Variants in CSF1R observed in about 807,000 individuals in gnomAD.
CSF1R encodes the protein colony stimulating factor 1 receptor, also known as macrophage colony-stimulating factor 1 receptor.
A neutral mutation model predicts 110.0 loss-of-function variants in CSF1R; 40 were observed. The observed-to-expected ratio is 0.36, with a 90% CI of 0.28 to 0.47. CSF1R has a LOEUF of 0.47. Among genes scored for constraint, CSF1R ranks in the 20% least tolerant of loss-of-function variants. The pLI, the probability that CSF1R is intolerant of heterozygous loss-of-function variation, is 0.99. For missense variants in CSF1R, 1,052 were observed against 1,253.0 expected, an observed-to-expected ratio of 0.84 and a Z score of 2.42; for synonymous variants, 523 against 503.4, an observed-to-expected ratio of 1.04 and a Z score of -0.52.
chr5:150,081,572 T>C (rs1758545698), intron 1 of CSF1R, among the ~76,000 whole-genome samples: 1 of 152,120 alleles, frequency 6.6e-6, no homozygotes, highest in Non-Finnish European at 1.5e-5. Context: ...TGCAGCACAG[T>C]GGGATGGGGA....
At chr5:150,100,196 G>T (rs984275723) in intron 1 of CSF1R, among the ~76,000 whole-genome samples, 5 of 150,502 alleles carry the variant, frequency 3.3e-5, no homozygotes, top group African/African-American at 1.2e-4. Context: ...AAAATTCCTA[G>T]ATATGGATCA....
At chr5:150,058,658 T>A (rs1025977575) in intron 14 of CSF1R, among the ~76,000 whole-genome samples, 2 of 152,106 alleles carry the variant, frequency 1.3e-5, no homozygotes, top group Non-Finnish European at 2.9e-5. Context: ...CATAGAAGTG[T>A]CAGGGAATCA....
chr5:150,095,715 A>G (rs115321785), intron 1 of CSF1R, among the ~76,000 whole-genome samples: 2,657 of 151,822 alleles, frequency 0.018, 29 homozygotes, highest in Middle Eastern at 0.027. Flanking sequence ...GAAAATTAAT[A>G]AAACCAAAAG....
chr5:150,104,591 G>A (rs1259529068), intron 1 of CSF1R, among the ~76,000 whole-genome samples: 2 of 152,322 alleles, frequency 1.3e-5, no homozygotes, highest in Non-Finnish European at 2.9e-5. Context: ...TTTTCTCATT[G>A]AATCCTCAAC....
chr5:150,079,447 C>A (rs1758422735), intron 3 of CSF1R, among the ~76,000 whole-genome samples: 1 of 152,220 alleles, frequency 6.6e-6, no homozygotes, highest in Admixed American at 6.5e-5. Flanking sequence ...GGGTGAGACT[C>A]CACCTCCACT....
chr5:150,077,563 A>G (rs1022175722), intron 4 of CSF1R, 128 bp from the exon 5 acceptor site: 1 of 1,028,564 alleles, frequency 9.7e-7, no homozygotes, highest in African/African-American at 1.6e-5. Flanking sequence ...CACTTGTAAA[A>G]TGGGGCTAAT....
rs1757527943 is a variant in CSF1R, at chr5:150,061,558, C to T, written c.1791G>A (p.Val597=). Residue 597 remains valine (V), a synonymous_variant, in exon 12 of 21, where the codon GTG becomes GTA. Transcript: ENST00000675795. ...TGCCCAGACCAAAGGCCGTGGCCTC[C>T]ACCACCTTCCCAAAGGCTCCAGCTC... ...TLGAGAFGKV[V]EATAFGLGKE... 2 of 1,613,702 alleles carry T rather than the reference C, an allele frequency of 1.2e-6. No individual in the cohort carries two copies. Among genetic ancestry groups the T allele is most frequent in the Non-Finnish European group, 1.7e-6 (2 of 1,179,808 alleles).
chr5:150,059,906 C>G (rs1264586269), intron 13 of CSF1R, 44 bp from the exon 14 acceptor site: 1 of 1,577,300 alleles, frequency 6.3e-7, no homozygotes, highest in Non-Finnish European at 8.7e-7. Flanking sequence ...GCTGAGTGCT[C>G]CCCTCCATGA....
At chr5:150,094,502 T>C in intron 1 of CSF1R, 1 of 1,599,958 alleles carries the variant, frequency 6.3e-7, no homozygotes, top group Non-Finnish European at 8.5e-7. Flanking sequence ...TGTACAGGAC[T>C]GAAATTCGAA....
At chr5:150,096,571 C>T (rs1009571605) in intron 1 of CSF1R, among the ~76,000 whole-genome samples, 3 of 151,886 alleles carry the variant, frequency 2.0e-5, no homozygotes, top group African/African-American at 4.8e-5. Flanking sequence ...AAAATAGATG[C>T]AAAAATTCTG....
intron 6 of CSF1R, among the ~76,000 whole-genome samples, chr5:150,072,226 G>A (rs898453758): frequency 1.3e-5 from 2 of 152,178 alleles, no homozygotes; most frequent in Admixed American, 1.3e-4. Flanking sequence ...AGGCACGATG[G>A]CTCACACCTG....
chr5:150,055,965 C>T, intron 18 of CSF1R, 61 bp downstream of exon 18: 1 of 1,494,708 alleles, frequency 6.7e-7, no homozygotes, highest in Non-Finnish European at 9.2e-7. Flanking sequence ...GCTTTGTCCA[C>T]CAGTGGGGCA....
At position 150,057,504 on chromosome 5, in the gene CSF1R, C is replaced by T. The variant is rs2113782395; in HGVS notation, c.2221G>A (p.Asp741Asn). 1.2e-6 allele frequency: 2 copies of T among 1,614,124 alleles called. No individual in the cohort carries two copies. The highest frequency in any genetic ancestry group is 1.7e-6 in the Non-Finnish European group (2 of 1,179,938). ...TSSNDSFSEQ[D>N]LDKEDGRPLE... ...GGGCCTGGCCCTGGGACCTCCTCAC[C>T]TTGCTCAGAGAAGGAGTCATTTGAA... Residue 741 changes from aspartate to asparagine, a missense_variant and splice_region_variant, in exon 15 of 21, where the codon GAC (aspartate) becomes AAC (asparagine). Transcript: ENST00000675795.
upstream of CSF1R, among the ~76,000 whole-genome samples, chr5:150,088,136 T>C (rs529969127): frequency 3.3e-5 from 5 of 152,308 alleles, no homozygotes; most frequent in South Asian, 1.0e-3. Flanking sequence ...TATGTGTGTG[T>C]TTGTATGTAT....
At chr5:150,093,966 G>T (rs963610151) in intron 1 of CSF1R, among the ~76,000 whole-genome samples, 12 of 152,010 alleles carry the variant, frequency 7.9e-5, no homozygotes, top group African/African-American at 2.4e-4. Flanking sequence ...GGGAGGCTGA[G>T]GCAGGAGAAG....
At chr5:150,058,792 C>T (rs1757368148) in intron 14 of CSF1R, among the ~76,000 whole-genome samples, 1 of 151,866 alleles carries the variant, frequency 6.6e-6, no homozygotes, top group Non-Finnish European at 1.5e-5. Context: ...CAGTGTACAC[C>T]CTTCTTGTTC....
intron 1 of CSF1R, among the ~76,000 whole-genome samples, chr5:150,105,716 G>T (rs951822988): frequency 2.0e-5 from 3 of 151,940 alleles, no homozygotes; most frequent in African/African-American, 7.3e-5. Context: ...TTGAGACAGG[G>T]TCTCACTGTG....
chr5:150,105,919 G>T (rs78214879), intron 1 of CSF1R, among the ~76,000 whole-genome samples: 1,929 of 152,318 alleles, frequency 0.013, 41 homozygotes, highest in African/African-American at 0.044. Flanking sequence ...ACATGAGGCT[G>T]ATTCTATTAA....
chr5:150,070,335 C>CT, intron 7 of CSF1R, 33 bp from the exon 8 acceptor site: 1 of 1,606,934 alleles, frequency 6.2e-7, no homozygotes, highest in Non-Finnish European at 8.5e-7. Flanking sequence ...CCAAGTCACA[C>CT]TTTCCCCGCC....
Sources: gnomAD v4.1 joint callset for allele counts (sites outside exome capture counted in the v4.1 genomes callset) on GRCh38, gnomAD v4.1.1 for gene constraint, MANE v1.5 for transcripts, NCBI Gene and HGNC (gene_info 2026-07-23, HGNC 2026-07-21) for gene names.